FER: variants seen among roughly 807,000 people sequenced by gnomAD.
FER encodes the protein FER tyrosine kinase, also known as tyrosine-protein kinase Fer.
Under a neutral mutation model 111.0 loss-of-function variants are expected in FER, and 63 were observed. That is an observed-to-expected ratio of 0.57 (90% CI 0.46 to 0.70). The LOEUF (loss-of-function observed/expected upper bound fraction) is 0.70, where lower values mean the gene tolerates loss of function less well. Ranked by LOEUF, FER falls within the 30% of genes least tolerant of loss-of-function variation. FER has a pLI of 0.00. For missense variants in FER, 914 were observed against 954.0 expected (o/e 0.96, Z 0.55); for synonymous variants, 327 against 313.9 (o/e 1.04, Z -0.44).
chr5:108,924,347 C>T lies in FER; in HGVS notation c.1237-21783C>T, dbSNP rs539022196. On this transcript the variant is annotated intron_variant, in intron 10 of 19. Coordinates refer to ENST00000281092, the MANE Select transcript of FER (RefSeq NM_005246.4). ...TGCACTCCAGCCTGGGCGACAAGAG[C>T]GAAACTCTGTCTCAAAAAAAAAAAA... 8.1e-5 allele frequency among the ~76,000 whole-genome samples: 10 copies of T among 123,616 alleles called. No homozygotes were observed. The East Asian group carries it at 1.6e-3, about 19-fold the overall frequency. The allele number at this position is 123,616 out of a possible 152,430, so 81.1% of individuals were successfully genotyped here. A position where few individuals can be genotyped will look rare whatever the true frequency, so the allele number is the denominator to read the frequency against.
chr5:108,769,225 G>C (rs776558675), intron 2 of FER, among the ~76,000 whole-genome samples: 1 of 152,144 alleles, frequency 6.6e-6, no homozygotes, highest in African/African-American at 2.4e-5. Context: ...TCCTCTGAGG[G>C]GCTGTAATTT....
intron 17 of FER, among the ~76,000 whole-genome samples, chr5:109,166,077 G>A (rs2126770505): frequency 6.6e-6 from 1 of 151,870 alleles, no homozygotes; most frequent in East Asian, 1.9e-4. Context: ...TTGATTACAG[G>A]AAAACTTATG....
At chr5:109,080,920 T>G (rs971417152) in intron 16 of FER, among the ~76,000 whole-genome samples, 5 of 152,036 alleles carry the variant, frequency 3.3e-5, no homozygotes, top group African/African-American at 1.2e-4. Context: ...AGAGGGACAA[T>G]GCTGGGTAGC....
chr5:108,993,125 C>T (rs2149754342), intron 13 of FER, among the ~76,000 whole-genome samples: 1 of 152,136 alleles, frequency 6.6e-6, no homozygotes, highest in East Asian at 1.9e-4. Flanking sequence ...CTCCTCACTT[C>T]CCAGACGGGG....
chr5:109,022,355 G>A (rs909580735), intron 13 of FER, among the ~76,000 whole-genome samples: 1 of 152,024 alleles, frequency 6.6e-6, no homozygotes, highest in Non-Finnish European at 1.5e-5. Flanking sequence ...CCACATACTA[G>A]GCTACATGAG....
In FER at chr5:108,867,674, CAT is replaced by C. The variant is rs1455615810; in HGVS notation, c.482-91_482-90del. ...TTTGTTTAAAAAATGCGTGAAATAA[CAT>C]AAAACAGTAGTAATTCAGTTTGTAT... is the stretch of plus-strand genomic sequence containing the variant. On this transcript the variant is annotated intron_variant, in intron 5 of 19. Transcript: ENST00000281092. 5.7e-6 allele frequency: 7 copies of C among 1,226,702 alleles called. No homozygotes were observed. In the East Asian group the frequency reaches 1.5e-4, roughly 27 times the overall value. 76.0% of individuals were successfully genotyped at this position (1,226,702 alleles called of 1,614,324 possible). A position where few individuals can be genotyped will look rare whatever the true frequency, so the allele number is the denominator to read the frequency against.
At chr5:108,787,236 A>G (rs1040809056) in intron 2 of FER, among the ~76,000 whole-genome samples, 1 of 152,174 alleles carries the variant, frequency 6.6e-6, no homozygotes, top group African/African-American at 2.4e-5. Context: ...CCGGCCAGGT[A>G]TGTGCATGCT....
intron 13 of FER, among the ~76,000 whole-genome samples, chr5:108,976,049 G>A (rs1761296594): frequency 6.6e-6 from 1 of 152,130 alleles, no homozygotes; most frequent in South Asian, 2.1e-4. Context: ...TATAGATATG[G>A]GAGTCACCAA....
intron 5 of FER, among the ~76,000 whole-genome samples, chr5:108,845,526 A>G (rs1761946032): frequency 6.6e-6 from 1 of 151,972 alleles, no homozygotes; most frequent in African/African-American, 2.4e-5. Context: ...TTTTTTACTT[A>G]TAGGATCATG....
chr5:109,154,308 G>A (rs1030227398), intron 17 of FER, among the ~76,000 whole-genome samples: 3 of 151,944 alleles, frequency 2.0e-5, no homozygotes, highest in African/African-American at 7.2e-5. Context: ...TATCTTCCTT[G>A]ATGAAGTGTA....
Position 109,192,273 on chromosome 5 carries a change from A to G in FER, c.*4698A>G, listed in dbSNP as rs1165544302. ...GGCAGGATGATGCACCCCCACACAG[A>G]GTGTGGAAAAATTAAAGTGAAACAA... On this transcript the variant is annotated 3_prime_UTR_variant, in exon 20 of 20. Transcript: ENST00000281092. 6.6e-6 allele frequency: 1 copy of G among 152,184 alleles called. No individual in the cohort carries two copies. The highest frequency in any genetic ancestry group is 1.9e-4 in the East Asian group (1 of 5,200). 9.4% of individuals were successfully genotyped at this position (152,184 alleles called of 1,614,324 possible). A position where few individuals can be genotyped will look rare whatever the true frequency, so the allele number is the denominator to read the frequency against.
At chr5:108,854,214 A>G (rs1411521083) in intron 5 of FER, among the ~76,000 whole-genome samples, 1 of 152,194 alleles carries the variant, frequency 6.6e-6, no homozygotes, top group Non-Finnish European at 1.5e-5. Context: ...AAAGACACCT[A>G]ATTTAACATT....
chr5:108,749,088 G>A (rs1750116309), intron 1 of FER: 1 of 152,324 alleles, frequency 6.6e-6, no homozygotes, highest in South Asian at 2.1e-4. Context: ...TAGAGCGGGG[G>A]CAACAATGCC....
At chr5:109,020,673 T>A (rs1413409300) in intron 13 of FER, among the ~76,000 whole-genome samples, 1 of 152,006 alleles carries the variant, frequency 6.6e-6, no homozygotes, top group Admixed American at 6.6e-5. Flanking sequence ...CTTGTGAACT[T>A]TTGGCACACA....
At chr5:109,019,311 A>T (rs151180654) in intron 13 of FER, among the ~76,000 whole-genome samples, 236 of 151,958 alleles carry the variant, frequency 1.6e-3, no homozygotes, top group African/African-American at 5.3e-3. Context: ...TATTTACAAT[A>T]GCAGTCTAGA....
At chr5:108,928,414 T>C (rs1021952855) in intron 10 of FER, among the ~76,000 whole-genome samples, 2 of 152,238 alleles carry the variant, frequency 1.3e-5, no homozygotes, top group African/African-American at 4.8e-5. Flanking sequence ...ATTTCAGTTT[T>C]TGGTGATGTG....
intron 13 of FER, among the ~76,000 whole-genome samples, chr5:109,013,464 T>C (rs1766591259): frequency 6.6e-6 from 1 of 151,736 alleles, no homozygotes. Flanking sequence ...CACATTTTCT[T>C]AATCCAGTCT....
intron 5 of FER, among the ~76,000 whole-genome samples, chr5:108,866,569 A>G (rs1300595956): frequency 1.3e-5 from 2 of 152,126 alleles, no homozygotes; most frequent in African/African-American, 2.4e-5. Context: ...CATGTACCCT[A>G]AAACTTAAAG....
At chr5:108,929,488 T>G (rs1754257978) in intron 10 of FER, among the ~76,000 whole-genome samples, 1 of 152,194 alleles carries the variant, frequency 6.6e-6, no homozygotes, top group South Asian at 2.1e-4. Flanking sequence ...TTATATGGTT[T>G]ATCTGTTGCA....
Sources: gnomAD v4.1 joint callset for allele counts (sites outside exome capture counted in the v4.1 genomes callset) on GRCh38, gnomAD v4.1.1 for gene constraint, MANE v1.5 for transcripts, NCBI Gene and HGNC (gene_info 2026-07-23, HGNC 2026-07-21) for gene names.